The following RPAIN variants were observed in gnomAD, a reference collection of about 807,000 sequenced individuals.
RPAIN encodes the protein RPA interacting protein.
A neutral mutation model predicts 30.5 loss-of-function variants in RPAIN; 29 were observed. That is an observed-to-expected ratio of 0.95 (90% CI 0.71 to 1.30). The LOEUF (loss-of-function observed/expected upper bound fraction) is 1.30. Among genes scored for constraint, RPAIN ranks in the 50% most tolerant of loss-of-function variants. The probability of loss-of-function intolerance (pLI) is 0.00; values close to 1 mark genes in which losing one functional copy is unlikely to be tolerated. For synonymous variants in RPAIN, 101 were observed against 93.5 expected, an observed-to-expected ratio of 1.08 and a Z score of -0.46; for missense variants, 247 against 264.7, an observed-to-expected ratio of 0.93 and a Z score of 0.46.
chr17:5,425,865 C>G, intron 3 of RPAIN, 106 bp from the exon 4 acceptor site: 2 of 710,710 alleles, frequency 2.8e-6, no homozygotes, highest in Non-Finnish European at 4.8e-6. Flanking sequence ...GTGGTCTTGC[C>G]CAAATCTTTC....
intron 1 of RPAIN, among the ~76,000 whole-genome samples, chr17:5,420,847 C>T (rs1376049005): frequency 6.6e-6 from 1 of 152,228 alleles, no homozygotes; most frequent in Non-Finnish European, 1.5e-5. Context: ...CCTCCACCCA[C>T]TAGATGCTAA....
intron 3 of RPAIN, among the ~76,000 whole-genome samples, chr17:5,425,709 G>A (rs1342352221): frequency 6.6e-6 from 1 of 152,102 alleles, no homozygotes; most frequent in African/African-American, 2.4e-5. Flanking sequence ...TGCTCCTATG[G>A]CCTCTGGAGA....
chr17:5,429,665 C>T (rs1915721881), intron 6 of RPAIN: 2 of 985,440 alleles, frequency 2.0e-6, no homozygotes, highest in African/African-American at 3.5e-5. Flanking sequence ...CTGTTGACTA[C>T]AAGCATATGT....
chr17:5,427,926 G>A, intron 5 of RPAIN, 145 bp from the exon 6 acceptor site: 1 of 759,398 alleles, frequency 1.3e-6, no homozygotes, highest in Non-Finnish European at 2.3e-6. Context: ...TCTTGGTACA[G>A]TCATGGGCCC....
intron 6 of RPAIN, chr17:5,431,806 G>A (rs559433085): frequency 2.7e-6 from 1 of 363,922 alleles, no homozygotes; most frequent in African/African-American, 2.1e-5. Flanking sequence ...CCTATTAGCA[G>A]AGTTACAGTG....
Position 5,425,218 on chromosome 17 carries a change from C to G in RPAIN, c.314-753C>G, listed in dbSNP as rs1915259025. ...CTTTTTCATCTTTGTGCCCCTGTGA[C>G]TAGCAGATACTAGGTACTGTTGTAT... On this transcript the variant is annotated intron_variant, in intron 3 of 6. Coordinates refer to ENST00000381209, the MANE Select transcript of RPAIN (RefSeq NM_001033002.4). The G allele has an allele frequency of 1.6e-5, 7 of 428,944 alleles. No individual in the cohort carries two copies. The Admixed American group carries it at 1.9e-4, about 11-fold the overall frequency. The allele number at this position is 428,944 out of a possible 1,614,324, so 26.6% of individuals were successfully genotyped here. A position where few individuals can be genotyped will look rare whatever the true frequency, so the allele number is the denominator to read the frequency against.
At chr17:5,427,016 G>A (rs543522534) in intron 5 of RPAIN, 13 of 152,166 alleles carry the variant, frequency 8.5e-5, no homozygotes, top group Non-Finnish European at 1.3e-4. Flanking sequence ...AGTTAATTGA[G>A]CGATTGGTTA....
intron 6 of RPAIN, chr17:5,430,643 C>A (rs999753131): frequency 6.6e-6 from 1 of 152,220 alleles, no homozygotes; most frequent in Admixed American, 6.6e-5. Flanking sequence ...GTTGTAGTTA[C>A]CTGCTTATGT....
In RPAIN at chr17:5,428,101, G is replaced by A; in HGVS notation, c.520G>A (p.Ala174Thr). Residue 174 changes from alanine (A) to threonine (T), a missense_variant, in exon 6 of 7, where the codon GCC becomes ACC. Coordinates refer to ENST00000381209, the MANE Select transcript of RPAIN (RefSeq NM_001033002.4). ...TGAGTTGACAGAGCAGAAGCTTCGT[G>A]CCTGTTTAGAGGGTAGTATAAATGA... ...SSELTEQKLR[A>T]CLEGSINEHS... is the part of the protein sequence containing the mutation. 6.2e-7 allele frequency: 1 copy of A among 1,614,172 alleles called. No individual in the cohort carries two copies. The highest frequency in any genetic ancestry group is 1.7e-5 in the Admixed American group (1 of 60,012).
chr17:5,431,977 A>G lies in RPAIN; in HGVS notation c.631-565A>G, dbSNP rs1055565990. ...AAGGTCTGATTTTTCACACAAAAAAATTTGCAACCTCTGGCATAAATGGGT... is the reference window on the plus strand; with the variant it reads ...AAGGTCTGATTTTTCACACAAAAAAGTTTGCAACCTCTGGCATAAATGGGT... On this transcript the variant is annotated intron_variant, in intron 6 of 6. Transcript: ENST00000381209. 5 of 270,344 alleles carry G rather than the reference A, an allele frequency of 1.8e-5. No individual in the cohort carries two copies. The East Asian group carries it at 3.4e-4, about 18-fold the overall frequency. 16.7% of individuals were successfully genotyped at this position (270,344 alleles called of 1,614,324 possible).
intron 6 of RPAIN, chr17:5,431,449 T>C (rs1328310048): frequency 9.2e-6 from 4 of 435,530 alleles, no homozygotes; most frequent in African/African-American, 4.6e-5. Context: ...AGGGCGCCAT[T>C]GCGCTCCAGG....
intron 6 of RPAIN, chr17:5,431,722 C>CT (rs1915973425): frequency 4.5e-6 from 2 of 443,960 alleles, no homozygotes; most frequent in African/African-American, 2.0e-5. Flanking sequence ...AGATTGCACT[C>CT]TATCACAAGA....
At chr17:5,428,438 G>A in intron 6 of RPAIN, 4 of 1,443,026 alleles carry the variant, frequency 2.8e-6, no homozygotes, top group Non-Finnish European at 3.6e-6. Flanking sequence ...ATTGGTCTGG[G>A]AGTTAGGACG....
chr17:5,428,794 A>G, intron 6 of RPAIN: 1 of 990,222 alleles, frequency 1.0e-6, no homozygotes, highest in Non-Finnish European at 1.2e-6. Context: ...TATATATCAC[A>G]CAAACACACA....
chr17:5,431,146 G>C, intron 6 of RPAIN: 1 of 315,776 alleles, frequency 3.2e-6, no homozygotes. Flanking sequence ...GGGGTGGGCA[G>C]GAAGACCATT....
intron 6 of RPAIN, chr17:5,429,670 A>G (rs1167414786): frequency 3.0e-6 from 3 of 985,332 alleles, no homozygotes; most frequent in African/African-American, 3.5e-5. Context: ...GACTACAAGC[A>G]TATGTTCCCT....
chr17:5,429,231 G>T, intron 6 of RPAIN: 1 of 984,584 alleles, frequency 1.0e-6, no homozygotes, highest in Non-Finnish European at 1.2e-6. Flanking sequence ...ACACCTTCCT[G>T]GAGGAGGCAT....
Position 5,432,834 on chromosome 17 carries a change from A to G in RPAIN, c.*263A>G. On this transcript the variant is annotated 3_prime_UTR_variant, in exon 7 of 7. Transcript: ENST00000381209. ...TGTTATACAAAAATCTAGAAATAAT[A>G]GATTTGTACAGAAAAAAATGATAAT... The G allele has an allele frequency of 1.1e-6, 1 of 907,324 alleles. No individual in the cohort carries two copies. Among genetic ancestry groups the G allele is most frequent in the East Asian group, 2.7e-5 (1 of 36,594 alleles). The allele number at this position is 907,324 out of a possible 1,614,324, so 56.2% of individuals were successfully genotyped here.
chr17:5,422,101 C>T (rs956639338), intron 2 of RPAIN, among the ~76,000 whole-genome samples: 3 of 152,204 alleles, frequency 2.0e-5, no homozygotes, highest in African/African-American at 7.2e-5. Flanking sequence ...CCAACGTTGG[C>T]AGCCATGTGT....
Sources: gnomAD v4.1 joint callset for allele counts (sites outside exome capture counted in the v4.1 genomes callset) on GRCh38, gnomAD v4.1.1 for gene constraint, MANE v1.5 for transcripts, NCBI Gene and HGNC (gene_info 2026-07-23, HGNC 2026-07-21) for gene names.